SLC7A2: variants seen among roughly 807,000 people sequenced by gnomAD.
The protein encoded by SLC7A2 is cationic amino acid transporter 2.
A neutral mutation model predicts 58.9 loss-of-function variants in SLC7A2; 48 were observed. The observed-to-expected ratio is 0.82, with a 90% CI of 0.65 to 1.04. The LOEUF (loss-of-function observed/expected upper bound fraction) is 1.04, where lower values mean the gene tolerates loss of function less well. Among genes scored for constraint, SLC7A2 ranks in the 50% least tolerant of loss-of-function variants. The probability of loss-of-function intolerance (pLI) is 0.00; values close to 1 mark genes in which losing one functional copy is unlikely to be tolerated. For synonymous variants in SLC7A2, 363 were observed against 314.5 expected, an observed-to-expected ratio of 1.15 and a Z score of -1.63; for missense variants, 1,029 against 818.8, an observed-to-expected ratio of 1.26 and a Z score of -3.13.
rs542883037 is a variant in SLC7A2, at chr8:17,536,610, A to G, written c.-22-6708A>G. On this transcript the variant is annotated intron_variant, in intron 2 of 12. Transcript: ENST00000494857. ...TATTTTTTTCAAGGAGAGAGTATAT[A>G]CGTCTGTGGGTAAAGGGCAGAACTA... 4.6e-5 allele frequency among the ~76,000 whole-genome samples: 7 copies of G among 152,260 alleles called. No individual in the cohort carries two copies. In the East Asian group the frequency reaches 1.4e-3, roughly 29 times the overall value.
At chr8:17,507,474 A>G (rs1800418266) in intron 2 of SLC7A2, among the ~76,000 whole-genome samples, 1 of 152,098 alleles carries the variant, frequency 6.6e-6, no homozygotes, top group Admixed American at 6.6e-5. Context: ...TTGGCCTCCC[A>G]AAGTGCAGGA....
At chr8:17,498,511 A>G (rs919258903) in intron 1 of SLC7A2, 1 of 152,198 alleles carries the variant, frequency 6.6e-6, no homozygotes, top group African/African-American at 2.4e-5. Flanking sequence ...CTGAAGCGTG[A>G]CATGAAATGA....
intron 10 of SLC7A2, among the ~76,000 whole-genome samples, chr8:17,561,479 C>G: frequency 6.6e-6 from 1 of 152,080 alleles, no homozygotes; most frequent in East Asian, 1.9e-4. Context: ...GGGTTCCTCC[C>G]ATAACACATG....
intron 1 of SLC7A2, chr8:17,500,489 A>G (rs1800110055): frequency 6.6e-6 from 1 of 152,278 alleles, no homozygotes. Flanking sequence ...CCTGGCCAAC[A>G]TGGTGAAACC....
chr8:17,509,592 C>T (rs1252395132), intron 2 of SLC7A2, among the ~76,000 whole-genome samples: 1 of 152,128 alleles, frequency 6.6e-6, no homozygotes, highest in Non-Finnish European at 1.5e-5. Flanking sequence ...AGGCGGGAGC[C>T]ACCACGCCCA....
rs765394702 is a variant in SLC7A2 at position 17,543,476 on chromosome 8, G to A, written c.137G>A (p.Ser46Asn). 1.7e-5 allele frequency: 27 copies of A among 1,614,032 alleles called. No homozygotes were observed. In the Admixed American group the frequency reaches 2.2e-4, roughly 13 times the overall value. Reference sequence around the variant, plus strand: ...GACCTCATTGCCCTGGGCGTTGGAAGCACCCTTGGGGCCGGGGTTTATGTC... The same window carrying A: ...GACCTCATTGCCCTGGGCGTTGGAAACACCCTTGGGGCCGGGGTTTATGTC... ...TMDLIALGVG[S>N]TLGAGVYVLA... The change falls in exon 3 of 13, where the codon AGC (serine) becomes AAC (asparagine). Residue 46 changes from serine to asparagine, a missense_variant. Coordinates refer to ENST00000494857, the MANE Select transcript of SLC7A2 (RefSeq NM_001370338.1).
chr8:17,556,190 C>T (rs1802694010), intron 8 of SLC7A2, among the ~76,000 whole-genome samples: 1 of 152,026 alleles, frequency 6.6e-6, no homozygotes, highest in African/African-American at 2.4e-5. Context: ...TGATGTGAAG[C>T]CCATTTTATT....
At chr8:17,539,060 A>G (rs1801798012) in intron 2 of SLC7A2, 2 of 725,288 alleles carry the variant, frequency 2.8e-6, no homozygotes, top group Non-Finnish European at 4.6e-6. Context: ...TAAAGTGAAA[A>G]TCCAGGATCA....
In SLC7A2 at chr8:17,563,641, G is replaced by A. The variant is rs1803127764; in HGVS notation, c.1710G>A (p.Leu570=). 2 of 1,613,518 alleles carry A rather than the reference G, an allele frequency of 1.2e-6. No individual in the cohort carries two copies. The highest frequency in any genetic ancestry group is 1.7e-6 in the Non-Finnish European group (2 of 1,179,634). ...CATTTTTGCCAGCGTTCAGCATCTT[G>A]GTGAACATTTACTTGATGGTCCAGT... ...FLPFLPAFSI[L]VNIYLMVQLS... is the part of the protein sequence containing the mutation. The change falls in exon 12 of 13, where the codon TTG becomes TTA. Residue 570 remains leucine (L), a synonymous_variant. Transcript: ENST00000494857.
chr8:17,499,510 T>A (rs939553180), intron 1 of SLC7A2, among the ~76,000 whole-genome samples: 3 of 151,356 alleles, frequency 2.0e-5, no homozygotes, highest in Non-Finnish European at 4.4e-5. Context: ...TGGGAGCACC[T>A]TCATGTTGCT....
intron 2 of SLC7A2, among the ~76,000 whole-genome samples, chr8:17,506,736 T>C (rs2150654890): frequency 6.6e-6 from 1 of 150,412 alleles, no homozygotes; most frequent in South Asian, 2.1e-4. Flanking sequence ...TAATAATTAC[T>C]AGAATGCACT....
At position 17,519,000 on chromosome 8, in the gene SLC7A2, TA is replaced by T. The variant is rs538145133; in HGVS notation, c.-23+16700del. On this transcript the variant is annotated intron_variant, in intron 2 of 12. Transcript: ENST00000494857. ...AGAACACCAGCTCTTCCTCTTTTTATAAGGACACTAATTCCATCATGGGTGC... is the reference window on the plus strand; with the variant it reads ...AGAACACCAGCTCTTCCTCTTTTTATAGGACACTAATTCCATCATGGGTGC... Among the ~76,000 whole-genome samples the T allele has an allele frequency of 6.6e-5, 10 of 152,226 alleles. No homozygotes were observed. In the South Asian group the frequency reaches 2.1e-3, roughly 32 times the overall value.
In SLC7A2 at chr8:17,548,763, G is replaced by T; in HGVS notation, c.618G>T (p.Met206Ile). 1 of 1,613,812 alleles carries T rather than the reference G, an allele frequency of 6.2e-7. No homozygotes were observed. The highest frequency in any genetic ancestry group is 1.1e-5 in the South Asian group (1 of 91,064). ...ATATTCTCGTCCTTCTGTTTGTGAT[G>T]GTTGCTGGGTTTGTGAAAGGAAATG... is the stretch of plus-strand genomic sequence containing the variant. Reference protein sequence around the residue: ...AVNILVLLFVMVAGFVKGNVA... With the variant: ...AVNILVLLFVIVAGFVKGNVA... The change falls in exon 5 of 13, where the codon ATG becomes ATT. Residue 206 changes from methionine (M) to isoleucine (I), a missense_variant. By Grantham distance (10) the Met-to-Ile change is conservative (BLOSUM62 1). Coordinates refer to ENST00000494857, the MANE Select transcript of SLC7A2 (RefSeq NM_001370338.1).
At chr8:17,533,907 C>G (rs184614272) in intron 2 of SLC7A2, among the ~76,000 whole-genome samples, 1 of 152,144 alleles carries the variant, frequency 6.6e-6, no homozygotes, top group Non-Finnish European at 1.5e-5. Context: ...CTGATGCTCT[C>G]CCTCCCCTCA....
intron 2 of SLC7A2, chr8:17,511,444 A>G (rs1334207504): frequency 6.6e-6 from 1 of 152,176 alleles, no homozygotes; most frequent in Non-Finnish European, 1.5e-5. Flanking sequence ...TTGTGTAGTC[A>G]TTGTTTCACA....
At position 17,568,745 on chromosome 8, in the gene SLC7A2, C is replaced by T. The variant is rs1054773996; in HGVS notation, c.*3599C>T. 10 of 151,972 alleles carry T rather than the reference C, an allele frequency of 6.6e-5. No homozygotes were observed. The highest frequency in any genetic ancestry group is 1.2e-4 in the Non-Finnish European group (8 of 68,008). 9.4% of individuals were successfully genotyped at this position (151,972 alleles called of 1,614,324 possible). ...TTGGGAGGTCGAGGCAAGCTGATCGCTTGAGCCCAGGAGTTTAAGACCGGC... is the reference window on the plus strand; with the variant it reads ...TTGGGAGGTCGAGGCAAGCTGATCGTTTGAGCCCAGGAGTTTAAGACCGGC... On this transcript the variant is annotated 3_prime_UTR_variant, in exon 13 of 13. Coordinates refer to ENST00000494857, the MANE Select transcript of SLC7A2 (RefSeq NM_001370338.1).
intron 2 of SLC7A2, among the ~76,000 whole-genome samples, chr8:17,514,193 T>G (rs1700393872): frequency 6.6e-6 from 1 of 151,710 alleles, no homozygotes; most frequent in African/African-American, 2.4e-5. Context: ...GTAACAGACA[T>G]GAATGAAACA....
At chr8:17,561,511 CA>C (rs1802982703) in intron 10 of SLC7A2, among the ~76,000 whole-genome samples, 1 of 152,108 alleles carries the variant, frequency 6.6e-6, no homozygotes, top group African/African-American at 2.4e-5. Context: ...AGCCACAATT[CA>C]AAATGAGATT....
chr8:17,496,058 G>C (rs1799949652), upstream of SLC7A2, among the ~76,000 whole-genome samples: 1 of 152,214 alleles, frequency 6.6e-6, no homozygotes, highest in Non-Finnish European at 1.5e-5. Context: ...CTTTGCCAAA[G>C]TTATTACTAG....
Sources: gnomAD v4.1 joint callset for allele counts (sites outside exome capture counted in the v4.1 genomes callset) on GRCh38, gnomAD v4.1.1 for gene constraint, MANE v1.5 for transcripts, NCBI Gene and HGNC (gene_info 2026-07-23, HGNC 2026-07-21) for gene names.